NRG3: variants seen among roughly 807,000 people sequenced by gnomAD.
NRG3 encodes the protein pro-neuregulin-3, membrane-bound isoform.
NRG3 carries 31 observed loss-of-function variants against 66.9 expected under a neutral mutation model. The observed-to-expected ratio is 0.46, with a 90% CI of 0.35 to 0.63. The LOEUF is 0.63. Ranked by LOEUF, NRG3 falls within the 20% of genes least tolerant of loss-of-function variation. NRG3 has a pLI of 0.00. For missense variants in NRG3, 910 were observed against 878.9 expected (o/e 1.04, Z -0.45); for synonymous variants, 393 against 359.4 (o/e 1.09, Z -1.06).
rs74144155 is a variant in NRG3, at chr10:82,116,283, G to A, written c.823+240120G>A. On this transcript the variant is annotated intron_variant, in intron 1 of 8. Coordinates refer to ENST00000372141, the MANE Select transcript of NRG3 (RefSeq NM_001010848.4). ...ACAAGAAAAAAACCCTTAAAAGGAG[G>A]GAAGGAGGGCATCTTTAATAGCCAA... Among the ~76,000 whole-genome samples, 770 of 152,126 alleles carry A rather than the reference G, an allele frequency of 5.1e-3. 7 individuals are homozygous for A. The highest frequency in any genetic ancestry group is 0.018 in the African/African-American group (747 of 41,504).
chr10:82,039,858 A>G (rs540624575), intron 1 of NRG3, among the ~76,000 whole-genome samples: 2 of 152,212 alleles, frequency 1.3e-5, no homozygotes, highest in South Asian at 2.1e-4. Flanking sequence ...CACCTCTTCA[A>G]TCCTTCCTCA....
intron 2 of NRG3, among the ~76,000 whole-genome samples, chr10:82,616,320 C>T (rs2048646261): frequency 1.3e-5 from 2 of 152,170 alleles, no homozygotes; most frequent in Admixed American, 1.3e-4. Context: ...CAATATTTCA[C>T]TCATCCAGAA....
intron 2 of NRG3, among the ~76,000 whole-genome samples, chr10:82,637,949 T>G (rs1590970132): frequency 6.6e-6 from 1 of 152,268 alleles, no homozygotes; most frequent in South Asian, 2.1e-4. Flanking sequence ...TTGTGAGAAA[T>G]ACACACTAGA....
At chr10:82,525,475 C>T (rs1049083073) in intron 2 of NRG3, among the ~76,000 whole-genome samples, 30 of 151,104 alleles carry the variant, frequency 2.0e-4, no homozygotes, top group African/African-American at 7.1e-4. Context: ...CCCATATTGA[C>T]ATCAATTAGA....
At chr10:82,598,871 C>G (rs634752) in intron 2 of NRG3, among the ~76,000 whole-genome samples, 12,937 of 152,018 alleles carry the variant, frequency 0.085, 633 homozygotes, top group East Asian at 0.15. Context: ...CCAACATGGC[C>G]AAATCCTGTC....
intron 2 of NRG3, among the ~76,000 whole-genome samples, chr10:82,593,766 A>C (rs1043817226): frequency 6.6e-6 from 1 of 152,026 alleles, no homozygotes; most frequent in Non-Finnish European, 1.5e-5. Context: ...TAAAACTATC[A>C]GGTATTAAAT....
intron 1 of NRG3, among the ~76,000 whole-genome samples, chr10:82,178,102 A>C (rs1027743486): frequency 8.5e-5 from 13 of 152,174 alleles, no homozygotes; most frequent in Non-Finnish European, 1.3e-4. Flanking sequence ...TTATTGGTTA[A>C]TGTAGAAAAT....
chr10:82,280,656 T>C (rs1334479591), intron 1 of NRG3, among the ~76,000 whole-genome samples: 7 of 152,158 alleles, frequency 4.6e-5, no homozygotes, highest in Admixed American at 1.3e-4. Context: ...CTTGACCTTT[T>C]CTCCGCAAGG....
At chr10:82,171,335 C>G (rs2072590796) in intron 1 of NRG3, among the ~76,000 whole-genome samples, 1 of 151,730 alleles carries the variant, frequency 6.6e-6, no homozygotes, top group Admixed American at 6.6e-5. Context: ...TACCTTACTT[C>G]CCACCAACAT....
At chr10:82,340,702 C>G (rs2082640694) in intron 1 of NRG3, 1 of 152,096 alleles carries the variant, frequency 6.6e-6, no homozygotes, top group Non-Finnish European at 1.5e-5. Flanking sequence ...TATTTTTGCA[C>G]TCACCTACCT....
intron 1 of NRG3, among the ~76,000 whole-genome samples, chr10:81,932,958 A>G (rs1847514833): frequency 1.3e-5 from 2 of 151,988 alleles, no homozygotes; most frequent in East Asian, 3.9e-4. Context: ...AGTACAAGAA[A>G]GTTAGCCAGG....
chr10:81,959,214 T>A (rs73306555), intron 1 of NRG3, among the ~76,000 whole-genome samples: 17,311 of 152,230 alleles, frequency 0.11, 1,600 homozygotes, highest in African/African-American at 0.26. Context: ...GCTTGAGGCC[T>A]GTGTTGTAGA....
At chr10:82,405,579 C>T (rs2087456148) in intron 2 of NRG3, among the ~76,000 whole-genome samples, 1 of 151,026 alleles carries the variant, frequency 6.6e-6, no homozygotes, top group African/African-American at 2.4e-5. Flanking sequence ...GCCTCAACCT[C>T]CTGATGCACA....
At chr10:82,087,932 G>C (rs1436895045) in intron 1 of NRG3, among the ~76,000 whole-genome samples, 1 of 151,940 alleles carries the variant, frequency 6.6e-6, no homozygotes, top group Non-Finnish European at 1.5e-5. Flanking sequence ...TTTTTTTCTT[G>C]AGGTATCTGA....
intron 1 of NRG3, among the ~76,000 whole-genome samples, chr10:82,231,864 C>G (rs1378919354): frequency 1.3e-5 from 2 of 152,094 alleles, no homozygotes; most frequent in Admixed American, 6.5e-5. Flanking sequence ...TTTAGTTAAA[C>G]AGTTTTCTCT....
intron 2 of NRG3, among the ~76,000 whole-genome samples, chr10:82,527,589 A>G (rs780907938): frequency 3.9e-5 from 6 of 152,314 alleles, no homozygotes; most frequent in Admixed American, 2.0e-4. Flanking sequence ...TAGGGTTCAT[A>G]GGTATAAAAG....
At chr10:82,307,942 G>A (rs1336654405) in intron 1 of NRG3, among the ~76,000 whole-genome samples, 1 of 151,220 alleles carries the variant, frequency 6.6e-6, no homozygotes, top group African/African-American at 2.4e-5. Flanking sequence ...TGAATTCTTA[G>A]CTAAACATTT....
chr10:82,961,281 TG>T (rs1254790678), intron 6 of NRG3, among the ~76,000 whole-genome samples: 12 of 152,312 alleles, frequency 7.9e-5, no homozygotes, highest in Middle Eastern at 3.4e-3. Context: ...CCCATATTGA[TG>T]GATTGGAAAA....
intron 2 of NRG3, among the ~76,000 whole-genome samples, chr10:82,700,487 A>G (rs558761135): frequency 4.1e-4 from 62 of 152,326 alleles, no homozygotes; most frequent in African/African-American, 1.4e-3. Flanking sequence ...AAATGAAGAA[A>G]AGAATTGCAG....
Sources: gnomAD v4.1 joint callset for allele counts (sites outside exome capture counted in the v4.1 genomes callset) on GRCh38, gnomAD v4.1.1 for gene constraint, MANE v1.5 for transcripts, NCBI Gene and HGNC (gene_info 2026-07-23, HGNC 2026-07-21) for gene names.